FSTL4: variants seen among roughly 807,000 people sequenced by gnomAD.
FSTL4 encodes the protein follistatin like 4, also known as follistatin-related protein 4.
Under a neutral mutation model 78.2 loss-of-function variants are expected in FSTL4, and 28 were observed. The observed-to-expected ratio is 0.36, with a 90% CI of 0.27 to 0.49. The LOEUF (loss-of-function observed/expected upper bound fraction) is 0.49, where lower values mean the gene tolerates loss of function less well. FSTL4 is among the 20% of genes least tolerant of loss of function. The pLI is 0.98. For synonymous variants in FSTL4, 422 were observed against 440.5 expected (o/e 0.96, Z 0.53); for missense variants, 922 against 1,084.9 (o/e 0.85, Z 2.11).
chr5:133,571,653 G>A (rs1760157905), intron 2 of FSTL4, among the ~76,000 whole-genome samples: 1 of 152,094 alleles, frequency 6.6e-6, no homozygotes, highest in South Asian at 2.1e-4. Flanking sequence ...CTAAAAACCT[G>A]TAACCAAACA....
intron 3 of FSTL4, among the ~76,000 whole-genome samples, chr5:133,480,873 G>C (rs985703253): frequency 3.9e-5 from 6 of 152,102 alleles, no homozygotes; most frequent in African/African-American, 1.4e-4. Flanking sequence ...TCTCCCTAAG[G>C]CTTCACCTAC....
At chr5:133,621,244 C>CA in the FSTL4 span, among the ~76,000 whole-genome samples, 2 of 151,928 alleles carry the variant, frequency 1.3e-5, no homozygotes, top group African/African-American at 2.4e-5. Flanking sequence ...ACTAAAAATA[C>CA]AAAAAATGAG....
intron 6 of FSTL4, among the ~76,000 whole-genome samples, chr5:133,265,087 G>A (rs889121936): frequency 6.6e-6 from 1 of 152,088 alleles, no homozygotes. Flanking sequence ...TTGGTGGCAG[G>A]AGGTGGCCTC....
the FSTL4 span, among the ~76,000 whole-genome samples, chr5:133,748,993 C>T: frequency 6.6e-6 from 1 of 152,148 alleles, no homozygotes; most frequent in Non-Finnish European, 1.5e-5. Flanking sequence ...AACATATACC[C>T]ACCCTCTCAA....
the FSTL4 span, among the ~76,000 whole-genome samples, chr5:133,697,606 T>A: frequency 6.6e-6 from 1 of 152,228 alleles, no homozygotes; most frequent in African/African-American, 2.4e-5. Flanking sequence ...TTTAAGAGGC[T>A]GAATTTATAA....
chr5:133,827,326 G>A, the FSTL4 span, among the ~76,000 whole-genome samples: 1 of 152,184 alleles, frequency 6.6e-6, no homozygotes, highest in Non-Finnish European at 1.5e-5. Context: ...TCAAGGACAG[G>A]CCTTCCTGAC....
At chr5:133,389,256 G>T (rs956675394) in intron 4 of FSTL4, among the ~76,000 whole-genome samples, 1 of 152,110 alleles carries the variant, frequency 6.6e-6, no homozygotes, top group African/African-American at 2.4e-5. Flanking sequence ...GTTCAGACAG[G>T]TCTGTTCAGG....
intron 4 of FSTL4, among the ~76,000 whole-genome samples, chr5:133,351,319 T>G (rs1046270899): frequency 1.3e-5 from 2 of 152,240 alleles, no homozygotes; most frequent in Admixed American, 1.3e-4. Context: ...GAATCACTTT[T>G]ATAATTTTGC....
intron 4 of FSTL4, among the ~76,000 whole-genome samples, chr5:133,352,385 T>C (rs182287737): frequency 4.6e-4 from 69 of 150,506 alleles, no homozygotes; most frequent in Admixed American, 2.1e-3. Context: ...TATATATATA[T>C]ACACACACAT....
the FSTL4 span, among the ~76,000 whole-genome samples, chr5:133,689,890 G>A: frequency 4.6e-5 from 7 of 151,982 alleles, no homozygotes; most frequent in South Asian, 4.2e-4. Context: ...GTGAAACCCC[G>A]TTTCTACTAA....
At chr5:133,491,835 A>G (rs76089530) in intron 3 of FSTL4, among the ~76,000 whole-genome samples, 1,895 of 152,366 alleles carry the variant, frequency 0.012, 40 homozygotes, top group African/African-American at 0.044. Context: ...GAAAATTGCT[A>G]TTGACTAACA....
chr5:133,359,521 G>A (rs1755021499), intron 4 of FSTL4, among the ~76,000 whole-genome samples: 1 of 152,196 alleles, frequency 6.6e-6, no homozygotes, highest in South Asian at 2.1e-4. Context: ...ATGGCCCTTG[G>A]CAGGGCAGTG....
intron 3 of FSTL4, among the ~76,000 whole-genome samples, chr5:133,528,142 C>T (rs989490336): frequency 6.6e-5 from 10 of 152,078 alleles, no homozygotes; most frequent in Non-Finnish European, 4.4e-5. Flanking sequence ...TTGCTGTTTC[C>T]GTAACAATTT....
intron 8 of FSTL4, among the ~76,000 whole-genome samples, chr5:133,233,214 G>A (rs1751546936): frequency 6.6e-6 from 1 of 152,262 alleles, no homozygotes. Context: ...CACCTGTGGA[G>A]GCTTTGGGTG....
chr5:133,454,550 A>C (rs1364526905), intron 3 of FSTL4, among the ~76,000 whole-genome samples: 1 of 152,214 alleles, frequency 6.6e-6, no homozygotes, highest in Admixed American at 6.5e-5. Flanking sequence ...CTGCCTGGAC[A>C]TAGAAACTAT....
the FSTL4 span, among the ~76,000 whole-genome samples, chr5:133,651,703 T>C: frequency 6.6e-6 from 1 of 152,122 alleles, no homozygotes; most frequent in Admixed American, 6.6e-5. Flanking sequence ...TTGTCAAGAA[T>C]GTTCTCATCT....
At chr5:133,794,873 C>A in the FSTL4 span, among the ~76,000 whole-genome samples, 1 of 152,136 alleles carries the variant, frequency 6.6e-6, no homozygotes, top group Non-Finnish European at 1.5e-5. Context: ...CACCCTTGAG[C>A]CATTCCTGGA....
At chr5:133,418,734 A>G (rs1430828811) in intron 3 of FSTL4, among the ~76,000 whole-genome samples, 1 of 152,228 alleles carries the variant, frequency 6.6e-6, no homozygotes, top group Non-Finnish European at 1.5e-5. Context: ...TTTGACTTTT[A>G]AGGACACACC....
chr5:133,497,579 G>C (rs536279954), intron 3 of FSTL4, among the ~76,000 whole-genome samples: 3 of 152,284 alleles, frequency 2.0e-5, no homozygotes, highest in Admixed American at 6.5e-5. Flanking sequence ...ATCAGATCCT[G>C]AATCTGTGGG....
Sources: gnomAD v4.1 joint callset for allele counts (sites outside exome capture counted in the v4.1 genomes callset) on GRCh38, gnomAD v4.1.1 for gene constraint, MANE v1.5 for transcripts, NCBI Gene and HGNC (gene_info 2026-07-23, HGNC 2026-07-21) for gene names.